Variants in KIF24 observed in about 807,000 individuals in gnomAD.
KIF24 encodes kinesin-like protein KIF24.
Under a neutral mutation model 118.9 loss-of-function variants are expected in KIF24, and 81 were observed. The ratio of observed to expected loss-of-function variants is 0.68; its 90% CI spans 0.57 to 0.82. KIF24 has a LOEUF of 0.82. Among genes scored for constraint, KIF24 ranks in the 40% least tolerant of loss-of-function variants. The pLI is 0.00. For missense variants in KIF24, 1,560 were observed against 1,661.6 expected, an observed-to-expected ratio of 0.94 and a Z score of 1.06; for synonymous variants, 599 against 610.0, an observed-to-expected ratio of 0.98 and a Z score of 0.27.
At chr9:34,255,550 C>G (rs1161889188) in intron 11 of KIF24, among the ~76,000 whole-genome samples, 185 bp downstream of exon 11, 1 of 152,190 alleles carries the variant, frequency 6.6e-6, no homozygotes, top group Non-Finnish European at 1.5e-5. Context: ...AGCCTATTGC[C>G]TGGTCTGCTA....
chr9:34,310,329 G>A (rs1837089219), intron 2 of KIF24, among the ~76,000 whole-genome samples: 1 of 152,090 alleles, frequency 6.6e-6, no homozygotes, highest in African/African-American at 2.4e-5. Context: ...GTTGGGTTAA[G>A]TGAATTTGAT....
At chr9:34,259,771 T>C in intron 9 of KIF24, 66 bp from the exon 10 acceptor site, 1 of 1,002,168 alleles carries the variant, frequency 1.0e-6, no homozygotes, top group East Asian at 2.4e-5. Context: ...GACTACTTAC[T>C]AGGTGCAGGA....
At chr9:34,293,901 A>T (rs1836356680) in intron 4 of KIF24, among the ~76,000 whole-genome samples, 1 of 152,262 alleles carries the variant, frequency 6.6e-6, no homozygotes, top group South Asian at 2.1e-4. Context: ...CAGATATTGC[A>T]GAACTACAAT....
At chr9:34,297,527 C>G (rs1041995147) in intron 3 of KIF24, among the ~76,000 whole-genome samples, 1 of 152,090 alleles carries the variant, frequency 6.6e-6, no homozygotes, top group African/African-American at 2.4e-5. Flanking sequence ...TTTTGGGAGG[C>G]CGAGGCCAGC....
At chr9:34,303,733 C>A (rs1223240569) in intron 3 of KIF24, among the ~76,000 whole-genome samples, 1 of 152,114 alleles carries the variant, frequency 6.6e-6, no homozygotes. Flanking sequence ...CCTGTAGTCC[C>A]AGCTACTCAA....
chr9:34,275,977 A>T (rs557385792), intron 6 of KIF24, among the ~76,000 whole-genome samples: 15 of 152,170 alleles, frequency 9.9e-5, no homozygotes, highest in Admixed American at 8.5e-4. Flanking sequence ...ACTCAGGTTG[A>T]TTTATTCATA....
intron 6 of KIF24, among the ~76,000 whole-genome samples, chr9:34,273,144 C>T (rs1835566802): frequency 6.7e-6 from 1 of 150,240 alleles, no homozygotes; most frequent in South Asian, 2.1e-4. Context: ...CTTTTAAAGC[C>T]AGTAAAAGAA....
At chr9:34,299,329 C>T (rs1023055103) in intron 3 of KIF24, among the ~76,000 whole-genome samples, 2 of 151,656 alleles carry the variant, frequency 1.3e-5, no homozygotes, top group Non-Finnish European at 2.9e-5. Flanking sequence ...TACAGGCGCC[C>T]GCCACCACGC....
In KIF24 at chr9:34,318,674, TCG is replaced by T; in HGVS notation, c.-25-7305_-25-7304del. On this transcript the variant is annotated intron_variant, in intron 1 of 12. Coordinates refer to ENST00000402558, the MANE Select transcript of KIF24 (RefSeq NM_194313.4). The surrounding 1 kb of genome is among the most constrained non-coding windows in gnomAD (Gnocchi z 4.9). ...GCTGGGCGGCAAGGCGACCACGGCG[TCG>T]GAGGCCAAGGCAGTGCTGAGTGCCA... 1 of 1,541,480 alleles carries T rather than the reference TCG, an allele frequency of 6.5e-7. No individual in the cohort carries two copies. Among genetic ancestry groups the T allele is most frequent in the Non-Finnish European group, 8.8e-7 (1 of 1,136,636 alleles).
rs1278043563 is a variant in KIF24 at position 34,306,201 on chromosome 9, A to T, written c.813+51T>A. 3 of 1,280,966 alleles carry T rather than the reference A, an allele frequency of 2.3e-6. No individual in the cohort carries two copies. In the African/African-American group the frequency reaches 4.5e-5, roughly 19 times the overall value. 79.3% of individuals were successfully genotyped at this position (1,280,966 alleles called of 1,614,324 possible). Reference sequence around the variant, plus strand: ...ACCACTCAAACAAAAAGCAAAAAAAAATGACATACTTGATAATATTAGTTC... The same window carrying T: ...ACCACTCAAACAAAAAGCAAAAAAATATGACATACTTGATAATATTAGTTC... On this transcript the variant is annotated intron_variant, in intron 3 of 12. Coordinates refer to ENST00000402558, the MANE Select transcript of KIF24 (RefSeq NM_194313.4).
intron 1 of KIF24, among the ~76,000 whole-genome samples, chr9:34,325,713 TAAAA>T (rs1299871020): frequency 6.6e-6 from 1 of 151,758 alleles, no homozygotes; most frequent in Non-Finnish European, 1.5e-5. Flanking sequence ...AATAAATAAA[TAAAA>T]GAGTGATTGG....
At position 34,318,713 on chromosome 9, in the gene KIF24, G is replaced by T; in HGVS notation, c.-25-7342C>A. 1 of 1,507,724 alleles carries T rather than the reference G, an allele frequency of 6.6e-7. No individual in the cohort carries two copies. The highest frequency in any genetic ancestry group is 9.0e-7 in the Non-Finnish European group (1 of 1,106,620). 93.4% of individuals were successfully genotyped at this position (1,507,724 alleles called of 1,614,324 possible). A position where few individuals can be genotyped will look rare whatever the true frequency, so the allele number is the denominator to read the frequency against. ...AGTGCTGAGTGCCAAGCAGCTGAGC[G>T]ACGAGGAGGTGCACGCCGGCGTGGG... On this transcript the variant is annotated intron_variant, in intron 1 of 12. Coordinates refer to ENST00000402558, the MANE Select transcript of KIF24 (RefSeq NM_194313.4). This position sits in a 1 kb window ranked among gnomAD's most constrained non-coding sequence, Gnocchi z 4.9.
upstream of KIF24, chr9:34,329,744 G>GCTGCCAACCT (rs1837830144): frequency 6.6e-6 from 1 of 152,412 alleles, no homozygotes; most frequent in Non-Finnish European, 1.5e-5. Flanking sequence ...AGTGAGGTGT[G>GCTGCCAACCT]GGCAGGCCAG....
intron 9 of KIF24, among the ~76,000 whole-genome samples, chr9:34,260,174 C>T (rs543618091): frequency 4.6e-5 from 7 of 152,196 alleles, no homozygotes; most frequent in African/African-American, 1.4e-4. Flanking sequence ...GCCTGGGCAA[C>T]ATAGCAAGAA....
At chr9:34,289,884 C>T (rs776022871) in intron 5 of KIF24, among the ~76,000 whole-genome samples, 5 of 152,120 alleles carry the variant, frequency 3.3e-5, no homozygotes, top group Non-Finnish European at 7.4e-5. Flanking sequence ...TGTTGATTTC[C>T]TGACTTCCTG....
chr9:34,296,854 T>C (rs1195272858), intron 4 of KIF24, among the ~76,000 whole-genome samples, 163 bp downstream of exon 4: 2 of 152,158 alleles, frequency 1.3e-5, no homozygotes, highest in African/African-American at 4.8e-5. Flanking sequence ...GTAAATCCTA[T>C]AGAGATACTG....
chr9:34,306,233 TA>T lies in KIF24; in HGVS notation c.813+18del. 6.5e-7 allele frequency: 1 copy of T among 1,535,100 alleles called. No individual in the cohort carries two copies. The highest frequency in any genetic ancestry group is 8.8e-7 in the Non-Finnish European group (1 of 1,130,728). ...TACTTGATAATATTAGTTCCAAACATAAAACGAAAACATCATACCTGCAGAA... is the reference window on the plus strand; with the variant it reads ...TACTTGATAATATTAGTTCCAAACATAAACGAAAACATCATACCTGCAGAA... On this transcript the variant is annotated intron_variant, in intron 3 of 12. Transcript: ENST00000402558.
At chr9:34,264,545 A>C (rs1205028682) in intron 8 of KIF24, among the ~76,000 whole-genome samples, 1 of 152,082 alleles carries the variant, frequency 6.6e-6, no homozygotes, top group African/African-American at 2.4e-5. Flanking sequence ...GCAGCCACAG[A>C]TGCCCGCAAC....
chr9:34,320,752 G>C (rs967464960), intron 1 of KIF24, among the ~76,000 whole-genome samples: 7 of 151,456 alleles, frequency 4.6e-5, no homozygotes, highest in African/African-American at 1.5e-4. Context: ...GAGAGGGGAG[G>C]ACCTAAACTA....
Sources: gnomAD v4.1 joint callset for allele counts (sites outside exome capture counted in the v4.1 genomes callset) on GRCh38, gnomAD v4.1.1 for gene constraint, Gnocchi (gnomAD v3.1) non-coding constraint, MANE v1.5 for transcripts, NCBI Gene and HGNC (gene_info 2026-07-23, HGNC 2026-07-21) for gene names.